Variants in NELL1 observed in about 807,000 individuals in gnomAD.
NELL1 encodes the protein neural EGFL like 1, also known as protein kinase C-binding protein NELL1.
NELL1 carries 76 observed loss-of-function variants against 107.4 expected under a neutral mutation model. That is an observed-to-expected ratio of 0.71 (90% CI 0.59 to 0.86). The LOEUF (loss-of-function observed/expected upper bound fraction) is 0.86. Among genes scored for constraint, NELL1 ranks in the 40% least tolerant of loss-of-function variants. The pLI, the probability that NELL1 is intolerant of heterozygous loss-of-function variation, is 0.00. For missense variants in NELL1, 1,024 were observed against 1,005.5 expected (o/e 1.02, Z -0.25); for synonymous variants, 353 against 341.2 (o/e 1.03, Z -0.38).
At chr11:21,095,821 GCTGGTCTTGA>G (rs1854628452) in intron 12 of NELL1, among the ~76,000 whole-genome samples, 4 of 152,096 alleles carry the variant, frequency 2.6e-5, no homozygotes, top group Admixed American at 1.3e-4. Context: ...TGTTGGTCAG[GCTGGTCTTGA>G]ACTCCTGACC....
chr11:21,018,161 T>G (rs1422472583), intron 12 of NELL1, among the ~76,000 whole-genome samples: 1 of 152,146 alleles, frequency 6.6e-6, no homozygotes, highest in Non-Finnish European at 1.5e-5. Flanking sequence ...ATTTGTATTT[T>G]CTTTAATTAT....
Position 21,560,366 on chromosome 11 carries a change from C to G in NELL1, c.1964C>G (p.Ser655Cys). ...QVWTLKEDRC[S>C]VCSCKDGKIF... Reference sequence around the variant, plus strand: ...TGGACCTTGAAAGAAGACAGGTGTTCTGTCTGCTCCTGCAAGGTGAGGCTG... The same window carrying G: ...TGGACCTTGAAAGAAGACAGGTGTTGTGTCTGCTCCTGCAAGGTGAGGCTG... Residue 655 changes from serine (S) to cysteine (C), a missense_variant, in exon 17 of 20, where the codon TCT becomes TGT. By Grantham distance (112) the Ser-to-Cys change is moderately radical. Coordinates refer to ENST00000357134, the MANE Select transcript of NELL1 (RefSeq NM_006157.5). 2 of 1,584,686 alleles carry G rather than the reference C, an allele frequency of 1.3e-6. No individual in the cohort carries two copies. Among genetic ancestry groups the G allele is most frequent in the Non-Finnish European group, 1.7e-6 (2 of 1,166,534 alleles).
intron 13 of NELL1, among the ~76,000 whole-genome samples, chr11:21,209,431 G>A (rs1488918413): frequency 6.6e-6 from 1 of 151,134 alleles, no homozygotes; most frequent in East Asian, 1.9e-4. Context: ...ATATACCTGG[G>A]ATTTTTATCA....
chr11:21,205,002 C>A (rs568554849), intron 13 of NELL1, among the ~76,000 whole-genome samples: 1 of 152,222 alleles, frequency 6.6e-6, no homozygotes, highest in Admixed American at 6.5e-5. Context: ...CAGAGGGGTA[C>A]CCAACATATG....
intron 5 of NELL1, among the ~76,000 whole-genome samples, chr11:20,889,388 G>A (rs1385367983): frequency 6.6e-6 from 1 of 152,146 alleles, no homozygotes; most frequent in East Asian, 1.9e-4. Context: ...TATATACCAA[G>A]CTTAATTGTC....
intron 15 of NELL1, among the ~76,000 whole-genome samples, chr11:21,503,621 G>A (rs1182376533): frequency 6.6e-6 from 1 of 152,148 alleles, no homozygotes; most frequent in Non-Finnish European, 1.5e-5. Flanking sequence ...TATTTGTCCT[G>A]TGTCTTTCAG....
rs570732458 is a variant in NELL1, at chr11:20,670,111, T to G, written c.55+333T>G. Among the ~76,000 whole-genome samples the G allele has an allele frequency of 2.6e-5, 4 of 152,244 alleles. No individual in the cohort carries two copies. In the South Asian group the frequency reaches 8.3e-4, roughly 32 times the overall value. ...AAACCCGCAGCAGGGCGGGCCCGCG[T>G]GCCCCGAGTTCCCGAACTTGTAAGG... On this transcript the variant is annotated intron_variant, in intron 1 of 19. Coordinates refer to ENST00000357134, the MANE Select transcript of NELL1 (RefSeq NM_006157.5).
rs142534963 is a variant in NELL1, at chr11:21,325,582, T to C, written c.1550-45271T>C. On this transcript the variant is annotated intron_variant, in intron 14 of 19. Transcript: ENST00000357134. ...TTGATTTTTTTCCCCATTTCTATAC[T>C]GGTCCTTTGCATTTTTTTAATATTA... Among the ~76,000 whole-genome samples the C allele has an allele frequency of 1.8e-3, 269 of 152,192 alleles. 2 individuals are homozygous for C. Among genetic ancestry groups the C allele is most frequent in the African/African-American group, 6.3e-3 (262 of 41,566 alleles).
chr11:21,545,152 A>G (rs1054763113), intron 16 of NELL1, among the ~76,000 whole-genome samples: 2 of 152,120 alleles, frequency 1.3e-5, no homozygotes, highest in Admixed American at 1.3e-4. Flanking sequence ...TTTGACAAAC[A>G]TATTTCTTTT....
intron 13 of NELL1, among the ~76,000 whole-genome samples, chr11:21,125,295 C>T (rs1050648654): frequency 2.6e-5 from 4 of 152,226 alleles, no homozygotes; most frequent in Non-Finnish European, 5.9e-5. Flanking sequence ...ACATACATTC[C>T]GGTCTTCCCC....
chr11:21,565,688 C>T (rs1856954941), intron 17 of NELL1, among the ~76,000 whole-genome samples: 1 of 151,886 alleles, frequency 6.6e-6, no homozygotes, highest in South Asian at 2.1e-4. Flanking sequence ...AGTGGAAAAT[C>T]ATTGTTATGA....
Position 21,427,694 on chromosome 11 carries a change from A to AC in NELL1, c.1645+56750dup, listed in dbSNP as rs755068127. ...GAGACACCTTGGGCAACATAGTGAGACCCCATTCTCCACACACACAAACAT... is the reference window on the plus strand; with the variant it reads ...GAGACACCTTGGGCAACATAGTGAGACCCCCATTCTCCACACACACAAACAT... On this transcript the variant is annotated intron_variant, in intron 15 of 19. Transcript: ENST00000357134. 3.5e-4 allele frequency among the ~76,000 whole-genome samples: 53 copies of AC among 152,132 alleles called. 1 individual carries two copies. The highest frequency in any genetic ancestry group is 1.3e-3 in the Admixed American group (20 of 15,268).
intron 5 of NELL1, among the ~76,000 whole-genome samples, chr11:20,897,710 C>T (rs1849777785): frequency 6.6e-6 from 1 of 152,024 alleles, no homozygotes; most frequent in Non-Finnish European, 1.5e-5. Context: ...TGAACTCAAA[C>T]AAATTTACAA....
chr11:20,748,340 G>T (rs143125184), intron 2 of NELL1, among the ~76,000 whole-genome samples: 57 of 152,070 alleles, frequency 3.7e-4, no homozygotes, highest in African/African-American at 1.3e-3. Flanking sequence ...ATGCCTCTTG[G>T]GTACATTTTA....
intron 12 of NELL1, among the ~76,000 whole-genome samples, chr11:21,050,272 C>A (rs1278459945): frequency 7.5e-6 from 1 of 133,898 alleles, no homozygotes; most frequent in Admixed American, 7.2e-5. Context: ...CCCATCCCCG[C>A]CCCCCACTTT....
chr11:21,239,352 G>A (rs1791866), intron 14 of NELL1, among the ~76,000 whole-genome samples: 66,207 of 151,698 alleles, frequency 0.44, 15,162 homozygotes, highest in African/African-American at 0.58. Context: ...GGGATGGATC[G>A]TCTCACTATT....
intron 2 of NELL1, among the ~76,000 whole-genome samples, chr11:20,770,358 C>T (rs77111653): frequency 1.2e-3 from 184 of 152,300 alleles, no homozygotes; most frequent in African/African-American, 4.2e-3. Flanking sequence ...AGAAAAACAG[C>T]AAGTCTGCCA....
chr11:21,490,217 G>T (rs754589776), intron 15 of NELL1, among the ~76,000 whole-genome samples: 1 of 151,732 alleles, frequency 6.6e-6, no homozygotes, highest in Non-Finnish European at 1.5e-5. Context: ...ATATACTCAG[G>T]AATTAATTTT....
intron 13 of NELL1, among the ~76,000 whole-genome samples, chr11:21,135,735 T>C (rs1452597358): frequency 6.6e-6 from 1 of 152,242 alleles, no homozygotes; most frequent in Non-Finnish European, 1.5e-5. Flanking sequence ...ATATATCTAG[T>C]AATACCTACA....
Sources: gnomAD v4.1 joint callset for allele counts (sites outside exome capture counted in the v4.1 genomes callset) on GRCh38, gnomAD v4.1.1 for gene constraint, MANE v1.5 for transcripts, NCBI Gene and HGNC (gene_info 2026-07-23, HGNC 2026-07-21) for gene names.